Variants in RNF6 observed in about 807,000 individuals in gnomAD.
The protein encoded by RNF6 is ring finger protein 6.
A neutral mutation model predicts 50.1 loss-of-function variants in RNF6; 21 were observed. The observed-to-expected ratio is 0.42, with a 90% CI of 0.30 to 0.60. The LOEUF is 0.60. RNF6 is among the 20% of genes least tolerant of loss of function. The pLI is 0.20. For synonymous variants in RNF6, 255 were observed against 291.8 expected, an observed-to-expected ratio of 0.87 and a Z score of 1.29; for missense variants, 698 against 838.2, an observed-to-expected ratio of 0.83 and a Z score of 2.07.
At chr13:26,222,862 C>T (rs548677614), upstream of RNF6, among the ~76,000 whole-genome samples, 15 of 152,268 alleles carry the variant, frequency 9.9e-5, no homozygotes, top group Admixed American at 8.5e-4. Flanking sequence ...CTCAAGCAAT[C>T]CTCTCACCTC....
At chr13:26,198,705 T>A (rs896841877) in intron 5 of RNF6, among the ~76,000 whole-genome samples, 6 of 152,022 alleles carry the variant, frequency 3.9e-5, no homozygotes, top group Admixed American at 3.9e-4. Context: ...CAAAAGTATC[T>A]TGATTTGCAT....
At chr13:26,165,644 A>G (rs961682085) in intron 5 of RNF6, among the ~76,000 whole-genome samples, 1 of 152,212 alleles carries the variant, frequency 6.6e-6, no homozygotes. Context: ...CTTGACCTGT[A>G]TGTGAAACAT....
Position 26,219,605 on chromosome 13 carries a change from G to A in RNF6, c.45C>T (p.Thr15=), listed in dbSNP as rs1179308609. The change falls in exon 3 of 5, where the codon ACC becomes ACT. Residue 15 remains threonine (T), a synonymous_variant. Coordinates refer to ENST00000381588, the MANE Select transcript of RNF6 (RefSeq NM_005977.4). The stretch of plus-strand genomic sequence containing the variant: ...CATGATGATTATGGTCTTGAGGTAA[G>A]GTTTCTTCACTGCCACCATCTGATC... ...RSRSDGGSEE[T]LPQDHNHHEN... The A allele has an allele frequency of 1.2e-5, 19 of 1,613,700 alleles. No individual in the cohort carries two copies. The highest frequency in any genetic ancestry group is 1.6e-5 in the Non-Finnish European group (19 of 1,179,936).
intron 2 of RNF6, 43 bp from the exon 3 acceptor site, chr13:26,219,710 G>T: frequency 6.6e-7 from 1 of 1,512,544 alleles, no homozygotes. Flanking sequence ...TTAAGTCATG[G>T]ACCACATTTG....
At chr13:26,134,107 G>T (rs1274800683) in intron 5 of RNF6, among the ~76,000 whole-genome samples, 1 of 152,208 alleles carries the variant, frequency 6.6e-6, no homozygotes, top group Non-Finnish European at 1.5e-5. Context: ...CCTTGTTACA[G>T]CTGGGAAAGG....
intron 5 of RNF6, among the ~76,000 whole-genome samples, chr13:26,197,438 C>T (rs1245116539): frequency 3.3e-5 from 5 of 152,002 alleles, no homozygotes; most frequent in African/African-American, 1.2e-4. Flanking sequence ...GCCTCTATCT[C>T]TCAGTCTCTG....
intron 5 of RNF6, among the ~76,000 whole-genome samples, chr13:26,189,439 G>A (rs1868375444): frequency 6.6e-6 from 1 of 152,108 alleles, no homozygotes; most frequent in Admixed American, 6.5e-5. Context: ...ACCTATCAAT[G>A]GCTACATTTT....
chr13:26,136,985 C>A (rs138938228), intron 5 of RNF6, among the ~76,000 whole-genome samples: 142 of 152,274 alleles, frequency 9.3e-4, no homozygotes, highest in Middle Eastern at 3.4e-3. Context: ...ATTTCCATCC[C>A]CTGCTTTCTA....
At chr13:26,217,012 T>C (rs1281091428) in intron 4 of RNF6, among the ~76,000 whole-genome samples, 1 of 152,202 alleles carries the variant, frequency 6.6e-6, no homozygotes, top group Non-Finnish European at 1.5e-5. Flanking sequence ...TCTGATTTCA[T>C]TTCATTCCTG....
At chr13:26,164,890 G>A (rs1440746911) in intron 5 of RNF6, among the ~76,000 whole-genome samples, 1 of 152,158 alleles carries the variant, frequency 6.6e-6, no homozygotes, top group African/African-American at 2.4e-5. Flanking sequence ...GCAGCCTGAT[G>A]ATGCAGTAGA....
At chr13:26,134,993 T>C (rs1266800458) in intron 5 of RNF6, among the ~76,000 whole-genome samples, 1 of 152,168 alleles carries the variant, frequency 6.6e-6, no homozygotes, top group African/African-American at 2.4e-5. Flanking sequence ...CAAACGTGAA[T>C]AGACAAATGT....
At chr13:26,206,926 A>C (rs1049860692) in intron 5 of RNF6, among the ~76,000 whole-genome samples, 2 of 152,124 alleles carry the variant, frequency 1.3e-5, no homozygotes, top group Non-Finnish European at 2.9e-5. Flanking sequence ...TAAAAAAAAA[A>C]AATTAAAAAT....
downstream of RNF6, among the ~76,000 whole-genome samples, chr13:26,211,339 A>G (rs950133613): frequency 2.0e-5 from 3 of 152,248 alleles, no homozygotes; most frequent in East Asian, 5.8e-4. Context: ...GGACTAAGTC[A>G]AAGAATCAAT....
intron 5 of RNF6, among the ~76,000 whole-genome samples, chr13:26,186,439 C>A (rs1251067647): frequency 6.6e-6 from 1 of 152,222 alleles, no homozygotes; most frequent in Non-Finnish European, 1.5e-5. Context: ...CGCCGGGGGG[C>A]GTCTGCGTGG....
intron 5 of RNF6, among the ~76,000 whole-genome samples, chr13:26,205,408 T>C (rs1033430506): frequency 1.3e-5 from 2 of 152,220 alleles, no homozygotes; most frequent in Non-Finnish European, 2.9e-5. Flanking sequence ...ACTGAAGTTG[T>C]AATCCTCACC....
chr13:26,183,803 A>T (rs11616801), intron 5 of RNF6, among the ~76,000 whole-genome samples: 34,226 of 150,534 alleles, frequency 0.23, 4,526 homozygotes, highest in East Asian at 0.58. Flanking sequence ...GAAAGTATAG[A>T]TTACTTTGCT....
intron 5 of RNF6, among the ~76,000 whole-genome samples, chr13:26,140,547 A>G (rs1483111634): frequency 2.0e-5 from 3 of 152,166 alleles, no homozygotes; most frequent in African/African-American, 7.2e-5. Context: ...ATCGTACTCA[A>G]TGGGCATTCC....
At chr13:26,179,425 C>T (rs1421538334) in intron 5 of RNF6, among the ~76,000 whole-genome samples, 2 of 152,262 alleles carry the variant, frequency 1.3e-5, no homozygotes, top group East Asian at 3.9e-4. Context: ...CACACTGTAG[C>T]TGAGAGACCC....
At chr13:26,219,937 T>C (rs1870302527) in intron 2 of RNF6, among the ~76,000 whole-genome samples, 1 of 152,188 alleles carries the variant, frequency 6.6e-6, no homozygotes, top group African/African-American at 2.4e-5. Context: ...AATACCATAG[T>C]GATTATCTCA....
Sources: allele counts gnomAD v4.1 joint callset (sites outside exome capture counted in the v4.1 genomes callset), GRCh38; gene constraint gnomAD v4.1.1; transcripts MANE v1.5; gene names NCBI Gene and HGNC (gene_info 2026-07-23, HGNC 2026-07-21).